Variants in LRRTM4 observed in about 807,000 individuals in gnomAD.
LRRTM4 encodes leucine rich repeat transmembrane neuronal 4, also known as leucine-rich repeat transmembrane neuronal protein 4.
Under a neutral mutation model 47.6 loss-of-function variants are expected in LRRTM4, and 25 were observed. That is an observed-to-expected ratio of 0.53 (90% CI 0.38 to 0.73). LRRTM4 has a LOEUF of 0.73. LRRTM4 is among the 30% of genes least tolerant of loss of function. The pLI, the probability that LRRTM4 is intolerant of heterozygous loss-of-function variation, is 0.00. For synonymous variants in LRRTM4, 311 were observed against 269.5 expected, an observed-to-expected ratio of 1.15 and a Z score of -1.51; for missense variants, 638 against 713.4, an observed-to-expected ratio of 0.89 and a Z score of 1.20.
intron 3 of LRRTM4, among the ~76,000 whole-genome samples, chr2:76,950,066 G>C (rs951521851): frequency 6.6e-6 from 1 of 151,842 alleles, no homozygotes; most frequent in African/African-American, 2.4e-5. Context: ...TTCAAACAAA[G>C]AGAAATGAAT....
At chr2:77,098,584 C>G (rs775769966) in intron 3 of LRRTM4, among the ~76,000 whole-genome samples, 1 of 151,920 alleles carries the variant, frequency 6.6e-6, no homozygotes, top group Admixed American at 6.6e-5. Context: ...GGGCCTCTTG[C>G]TAAGGAAATA....
chr2:77,287,969 A>G (rs1426567057), intron 3 of LRRTM4, among the ~76,000 whole-genome samples: 2 of 152,252 alleles, frequency 1.3e-5, no homozygotes, highest in East Asian at 1.9e-4. Context: ...TATTCACATC[A>G]TTCAACACAT....
At chr2:76,878,813 G>A (rs1053349361) in intron 3 of LRRTM4, among the ~76,000 whole-genome samples, 2 of 152,098 alleles carry the variant, frequency 1.3e-5, no homozygotes, top group Admixed American at 1.3e-4. Context: ...GGCGGAACTT[G>A]TGAAGAGCCA....
At chr2:76,964,472 A>G (rs1051771634) in intron 3 of LRRTM4, among the ~76,000 whole-genome samples, 2 of 150,896 alleles carry the variant, frequency 1.3e-5, no homozygotes, top group Non-Finnish European at 3.0e-5. Flanking sequence ...TCCTCCAACA[A>G]AAGTGTTGAA....
intron 3 of LRRTM4, among the ~76,000 whole-genome samples, chr2:77,481,677 T>C (rs1677709043): frequency 6.6e-6 from 1 of 152,190 alleles, no homozygotes; most frequent in Non-Finnish European, 1.5e-5. Context: ...GCTTCTTAAT[T>C]TGAAACTGTG....
At chr2:77,007,751 T>C (rs976378527) in intron 3 of LRRTM4, among the ~76,000 whole-genome samples, 4 of 152,172 alleles carry the variant, frequency 2.6e-5, no homozygotes, top group South Asian at 2.1e-4. Context: ...AAAGGCTACA[T>C]GTCTTCCATT....
intron 3 of LRRTM4, among the ~76,000 whole-genome samples, chr2:76,837,922 T>A (rs1671562207): frequency 6.7e-6 from 1 of 149,828 alleles, no homozygotes; most frequent in Admixed American, 6.7e-5. Flanking sequence ...AACATCACAC[T>A]CTGGGGACTG....
At chr2:77,071,359 T>A (rs1194739987) in intron 3 of LRRTM4, among the ~76,000 whole-genome samples, 1 of 152,198 alleles carries the variant, frequency 6.6e-6, no homozygotes, top group African/African-American at 2.4e-5. Context: ...CTTCACATGC[T>A]TATTAAATTT....
At chr2:76,807,340 T>C (rs556184860) in intron 3 of LRRTM4, among the ~76,000 whole-genome samples, 4 of 144,808 alleles carry the variant, frequency 2.8e-5, no homozygotes, top group African/African-American at 5.4e-5. Flanking sequence ...CAGATAGTTG[T>C]AAGTAAATAT....
intron 3 of LRRTM4, among the ~76,000 whole-genome samples, chr2:77,403,885 T>TATATATATATATATA (rs893824593): frequency 4.7e-5 from 7 of 150,386 alleles, no homozygotes; most frequent in African/African-American, 1.2e-4. Context: ...TATATATATA[T>TATATATATATATATA]TTTAGGAAAG....
At chr2:77,388,710 T>A (rs1386713285) in intron 3 of LRRTM4, among the ~76,000 whole-genome samples, 1 of 152,088 alleles carries the variant, frequency 6.6e-6, no homozygotes, top group African/African-American at 2.4e-5. Flanking sequence ...TTTCTGTAAG[T>A]CTTGACCATC....
At chr2:76,782,285 T>C (rs1426649414) in intron 3 of LRRTM4, among the ~76,000 whole-genome samples, 1 of 152,222 alleles carries the variant, frequency 6.6e-6, no homozygotes, top group Non-Finnish European at 1.5e-5. Flanking sequence ...TATCTTGAAA[T>C]GTCAGGCAAC....
intron 3 of LRRTM4, among the ~76,000 whole-genome samples, chr2:77,057,878 C>G (rs1679660550): frequency 2.0e-5 from 3 of 152,112 alleles, no homozygotes; most frequent in Admixed American, 1.3e-4. Flanking sequence ...CCCAGAGATT[C>G]ATGAAACTTA....
intron 3 of LRRTM4, among the ~76,000 whole-genome samples, chr2:77,310,677 G>A (rs868634045): frequency 2.0e-4 from 31 of 152,244 alleles, no homozygotes; most frequent in Admixed American, 6.5e-4. Flanking sequence ...ACTATTGTCT[G>A]ATGTGGCAGC....
At chr2:77,414,799 A>G (rs1237604493) in intron 3 of LRRTM4, among the ~76,000 whole-genome samples, 3 of 150,656 alleles carry the variant, frequency 2.0e-5, no homozygotes, top group Non-Finnish European at 4.5e-5. Context: ...CCCGCTCTAT[A>G]CCATCTTCCC....
chr2:76,870,010 G>T (rs191450316), intron 3 of LRRTM4, among the ~76,000 whole-genome samples: 99 of 152,210 alleles, frequency 6.5e-4, no homozygotes, highest in African/African-American at 2.3e-3. Flanking sequence ...ACTTAGGGAG[G>T]CACAAAACAA....
At chr2:76,993,720 G>C (rs964393064) in intron 3 of LRRTM4, among the ~76,000 whole-genome samples, 3 of 151,798 alleles carry the variant, frequency 2.0e-5, no homozygotes, top group African/African-American at 7.3e-5. Flanking sequence ...AGTAAAAATA[G>C]AACTACTATT....
intron 3 of LRRTM4, among the ~76,000 whole-genome samples, chr2:76,987,911 T>C (rs985802840): frequency 6.6e-6 from 1 of 151,824 alleles, no homozygotes; most frequent in African/African-American, 2.4e-5. Context: ...TGAATATTGG[T>C]GAGTACTAAT....
At chr2:77,336,072 G>C (rs1484899640) in intron 3 of LRRTM4, among the ~76,000 whole-genome samples, 2 of 150,664 alleles carry the variant, frequency 1.3e-5, no homozygotes, top group African/African-American at 4.9e-5. Flanking sequence ...ACTTATTCTT[G>C]CATGAAATTA....
Sources: gnomAD v4.1 joint callset for allele counts (sites outside exome capture counted in the v4.1 genomes callset) on GRCh38, gnomAD v4.1.1 for gene constraint, MANE v1.5 for transcripts, NCBI Gene and HGNC (gene_info 2026-07-23, HGNC 2026-07-21) for gene names.